The following TTC28 variants were observed in gnomAD, a reference collection of about 807,000 sequenced individuals.
TTC28 encodes the protein tetratricopeptide repeat protein 28.
TTC28 carries 61 observed loss-of-function variants against 198.0 expected under a neutral mutation model. The ratio of observed to expected loss-of-function variants is 0.31; its 90% confidence interval spans 0.25 to 0.38. The LOEUF (loss-of-function observed/expected upper bound fraction) is 0.38. Among genes scored for constraint, TTC28 ranks in the 10% least tolerant of loss-of-function variants. The pLI is 1.00. For missense variants in TTC28, 2,678 were observed against 3,164.0 expected, an observed-to-expected ratio of 0.85 and a Z score of 3.69; for synonymous variants, 1,171 against 1,297.8, an observed-to-expected ratio of 0.90 and a Z score of 2.10.
At chr22:28,059,734 T>C (rs1012929124) in intron 12 of TTC28, among the ~76,000 whole-genome samples, 8 of 152,192 alleles carry the variant, frequency 5.3e-5, no homozygotes, top group African/African-American at 1.9e-4. Flanking sequence ...GGTCACTAGG[T>C]AAATATACAT....
chr22:28,428,385 A>G (rs1022208717), intron 2 of TTC28, among the ~76,000 whole-genome samples: 3 of 152,128 alleles, frequency 2.0e-5, no homozygotes, highest in African/African-American at 4.8e-5. Flanking sequence ...AACCTAGACA[A>G]CTTCTACACA....
chr22:28,095,845 A>G (rs888721508), intron 11 of TTC28, among the ~76,000 whole-genome samples: 2 of 152,212 alleles, frequency 1.3e-5, no homozygotes, highest in African/African-American at 4.8e-5. Flanking sequence ...CATGTCTAGA[A>G]AGAATTCGTT....
At chr22:28,126,220 G>A (rs1351797559) in intron 6 of TTC28, among the ~76,000 whole-genome samples, 2 of 152,026 alleles carry the variant, frequency 1.3e-5, no homozygotes, top group Non-Finnish European at 2.9e-5. Flanking sequence ...TAAAATAATC[G>A]AACCACAGAA....
rs140049510 is a variant in TTC28 at position 28,647,575 on chromosome 22, C to T, written c.103-17745G>A. 3.0e-4 allele frequency among the ~76,000 whole-genome samples: 45 copies of T among 152,296 alleles called. No homozygotes were observed. In the East Asian group the frequency reaches 7.5e-3, roughly 26 times the overall value. On this transcript the variant is annotated intron_variant, in intron 1 of 22. Coordinates refer to ENST00000397906, the MANE Select transcript of TTC28 (RefSeq NM_001145418.2). The stretch of plus-strand genomic sequence containing the variant: ...GGCAAATGGGCCAGGCGTGGTGGCT[C>T]ACGCCTGTAATCTCAGCACTTTGGG...
chr22:28,591,030 CACACACACACATATATATAT>C (rs1202127652), intron 2 of TTC28, among the ~76,000 whole-genome samples: 55 of 68,512 alleles, frequency 8.0e-4, no homozygotes, highest in East Asian at 2.2e-3. Context: ...CACACACACA[CACACACACACATATATATAT>C]ATATATATAT....
rs941840599 is a variant in TTC28, at chr22:28,620,631, G to T, written c.381+8921C>A. Among the ~76,000 whole-genome samples the T allele has an allele frequency of 2.0e-5, 3 of 152,176 alleles. No homozygotes were observed. In the South Asian group the frequency reaches 6.2e-4, roughly 32 times the overall value. On this transcript the variant is annotated intron_variant, in intron 2 of 22. Coordinates refer to ENST00000397906, the MANE Select transcript of TTC28 (RefSeq NM_001145418.2). ...GAAGACAAAGCACAACCAAAGCAAT[G>T]GCTACCAAAATGTAGAAGTGGTCCA... is the stretch of plus-strand genomic sequence containing the variant.
At chr22:28,166,328 C>T (rs10212074) in intron 5 of TTC28, among the ~76,000 whole-genome samples, 11,100 of 152,190 alleles carry the variant, frequency 0.073, 459 homozygotes, top group South Asian at 0.091. Flanking sequence ...GCGGACCTAA[C>T]AGACATCTAC....
At chr22:28,633,607 C>A (rs2051216320) in intron 1 of TTC28, among the ~76,000 whole-genome samples, 1 of 151,858 alleles carries the variant, frequency 6.6e-6, no homozygotes, top group Non-Finnish European at 1.5e-5. Context: ...TCAGCCTGGA[C>A]AACAAGCAAG....
intron 16 of TTC28, chr22:27,996,492 G>A: frequency 3.6e-6 from 2 of 551,402 alleles, no homozygotes; most frequent in Non-Finnish European, 6.1e-6. Context: ...GGTTAGTGGG[G>A]CCTGCTATTT....
intron 5 of TTC28, among the ~76,000 whole-genome samples, chr22:28,274,614 A>C (rs1932291470): frequency 6.6e-6 from 1 of 152,226 alleles, no homozygotes. Context: ...ATCTAAGACA[A>C]GAGAGAAAGA....
chr22:28,654,375 T>G (rs1231893341), intron 1 of TTC28, among the ~76,000 whole-genome samples: 3 of 152,200 alleles, frequency 2.0e-5, no homozygotes, highest in African/African-American at 7.2e-5. Context: ...GTCACCAGGC[T>G]GGAGTGCAGT....
intron 5 of TTC28, among the ~76,000 whole-genome samples, chr22:28,202,734 T>C (rs1023740958): frequency 6.6e-6 from 1 of 152,142 alleles, no homozygotes; most frequent in African/African-American, 2.4e-5. Context: ...CCAATGCAAA[T>C]GCCACCAAAG....
intron 12 of TTC28, among the ~76,000 whole-genome samples, chr22:28,050,058 G>C (rs556718440): frequency 1.1e-4 from 17 of 152,182 alleles, no homozygotes; most frequent in Admixed American, 3.3e-4. Context: ...CTTATAGCTG[G>C]GACAGCTATA....
intron 5 of TTC28, among the ~76,000 whole-genome samples, chr22:28,226,498 C>T (rs150312485): frequency 6.6e-6 from 1 of 152,292 alleles, no homozygotes; most frequent in African/African-American, 2.4e-5. Context: ...GCAATCTCAG[C>T]TCACTGCAAC....
intron 2 of TTC28, among the ~76,000 whole-genome samples, chr22:28,388,252 G>A (rs1182200098): frequency 1.3e-5 from 2 of 152,202 alleles, no homozygotes; most frequent in African/African-American, 4.8e-5. Flanking sequence ...CTGTAGCCTT[G>A]TAGTATAGTT....
intron 5 of TTC28, among the ~76,000 whole-genome samples, chr22:28,207,162 C>G (rs563294874): frequency 7.3e-5 from 11 of 149,682 alleles, no homozygotes; most frequent in African/African-American, 2.7e-4. Context: ...GTGCAAATAA[C>G]TGACAAGCCA....
intron 2 of TTC28, among the ~76,000 whole-genome samples, chr22:28,483,537 C>A (rs910373991): frequency 1.3e-5 from 2 of 152,022 alleles, no homozygotes; most frequent in Admixed American, 6.6e-5. Context: ...TGACATTTTT[C>A]TGAATGTTAA....
chr22:28,108,741 G>A (rs1942399692), intron 6 of TTC28, among the ~76,000 whole-genome samples: 2 of 152,114 alleles, frequency 1.3e-5, no homozygotes, highest in African/African-American at 4.8e-5. Context: ...GAGTTTATTT[G>A]GTTTGATTTT....
At chr22:28,375,860 C>T (rs747832748) in intron 2 of TTC28, among the ~76,000 whole-genome samples, 7 of 152,302 alleles carry the variant, frequency 4.6e-5, no homozygotes, top group Admixed American at 1.3e-4. Flanking sequence ...TAGTCCCTTC[C>T]TCCTGTCCTA....
Sources: allele counts gnomAD v4.1 joint callset (sites outside exome capture counted in the v4.1 genomes callset), GRCh38; gene constraint gnomAD v4.1.1; transcripts MANE v1.5; gene names NCBI Gene and HGNC (gene_info 2026-07-23, HGNC 2026-07-21).